The following REV3L variants were observed in gnomAD, a reference collection of about 807,000 sequenced individuals.
The protein encoded by REV3L is REV3 like, DNA directed polymerase zeta catalytic subunit.
Under a neutral mutation model 299.4 loss-of-function variants are expected in REV3L, and 69 were observed. The ratio of observed to expected loss-of-function variants is 0.23; its 90% CI spans 0.19 to 0.28. REV3L has a LOEUF of 0.28. REV3L is among the 10% of genes least tolerant of loss of function. REV3L has a pLI of 1.00. For missense variants in REV3L, 3,128 were observed against 3,693.8 expected, an observed-to-expected ratio of 0.85 and a Z score of 3.97; for synonymous variants, 1,238 against 1,271.4, an observed-to-expected ratio of 0.97 and a Z score of 0.56.
At chr6:111,410,696 T>A (rs1020870580) in intron 3 of REV3L, among the ~76,000 whole-genome samples, 17 of 152,228 alleles carry the variant, frequency 1.1e-4, no homozygotes, top group Non-Finnish European at 2.5e-4. Flanking sequence ...TCAAATGGTT[T>A]AATCCAGGGT....
intron 18 of REV3L, chr6:111,353,919 A>G (rs1374177074): frequency 6.6e-6 from 1 of 152,196 alleles, no homozygotes; most frequent in Non-Finnish European, 1.5e-5. Context: ...ATGAATGGCT[A>G]CATTTGAGAA....
Position 111,307,245 on chromosome 6 carries a change from C to T in REV3L, c.9252+116G>A, listed in dbSNP as rs56392744. On this transcript the variant is annotated intron_variant, in intron 31 of 31. Transcript: ENST00000368802. ...ATTTTTAGGAAGTTTATCATTTAGA[C>T]TCTTCATTTCACTTTTCACACCAGT... 3.6e-4 allele frequency: 286 copies of T among 798,640 alleles called. 1 individual carries two copies. In the African/African-American group the frequency reaches 4.3e-3, roughly 12 times the overall value. 49.5% of individuals were successfully genotyped at this position (798,640 alleles called of 1,614,324 possible). A position where few individuals can be genotyped will look rare whatever the true frequency, so the allele number is the denominator to read the frequency against.
intron 1 of REV3L, among the ~76,000 whole-genome samples, chr6:111,462,519 T>A (rs1024515216): frequency 2.6e-5 from 4 of 152,078 alleles, no homozygotes; most frequent in African/African-American, 9.7e-5. Context: ...CTTCAACACA[T>A]CTCTCAGTAT....
intron 3 of REV3L, among the ~76,000 whole-genome samples, chr6:111,408,509 CAGG>C (rs950997108): frequency 1.3e-5 from 2 of 152,070 alleles, no homozygotes; most frequent in Non-Finnish European, 2.9e-5. Context: ...GAGGCTGAGG[CAGG>C]AGAATTGCTT....
At chr6:111,446,705 C>T (rs1583024564) in intron 1 of REV3L, among the ~76,000 whole-genome samples, 1 of 95,770 alleles carries the variant, frequency 1.0e-5, no homozygotes. Flanking sequence ...TGTCTCAAAA[C>T]AAACAAACAA....
chr6:111,419,414 A>T (rs1785083269), intron 1 of REV3L, among the ~76,000 whole-genome samples: 1 of 151,114 alleles, frequency 6.6e-6, no homozygotes, highest in Non-Finnish European at 1.5e-5. Flanking sequence ...ATTACCATAA[A>T]ATTTGTAGTT....
At chr6:111,455,541 T>C (rs1432528923) in intron 1 of REV3L, among the ~76,000 whole-genome samples, 1 of 152,058 alleles carries the variant, frequency 6.6e-6, no homozygotes, top group East Asian at 1.9e-4. Flanking sequence ...ATCTAAAATA[T>C]ATAAGGGCTG....
At chr6:111,385,104 T>C (rs571741807) in intron 9 of REV3L, among the ~76,000 whole-genome samples, 2 of 151,330 alleles carry the variant, frequency 1.3e-5, no homozygotes, top group East Asian at 3.9e-4. Context: ...TGCCAGAAGC[T>C]AGGAAGGGTA....
intron 9 of REV3L, among the ~76,000 whole-genome samples, chr6:111,385,380 T>C (rs1781245695): frequency 6.6e-6 from 1 of 152,152 alleles, no homozygotes; most frequent in Admixed American, 6.5e-5. Flanking sequence ...ATATGTCTAC[T>C]ATGTACCCAC....
intron 1 of REV3L, 120 bp downstream of exon 1, chr6:111,482,630 C>G (rs1363794858): frequency 8.0e-6 from 4 of 502,164 alleles, no homozygotes; most frequent in Non-Finnish European, 1.1e-5. Context: ...GGAGGGAAGA[C>G]GCGGCAGCGA....
intron 13 of REV3L, among the ~76,000 whole-genome samples, chr6:111,369,406 C>G (rs1430918480): frequency 6.6e-6 from 1 of 151,816 alleles, no homozygotes; most frequent in Non-Finnish European, 1.5e-5. Context: ...TATCAAGAGC[C>G]TTAAATTTTT....
At chr6:111,425,674 T>C (rs916234666) in intron 1 of REV3L, among the ~76,000 whole-genome samples, 5 of 151,592 alleles carry the variant, frequency 3.3e-5, no homozygotes, top group African/African-American at 2.4e-5. Context: ...TATGCACACA[T>C]ATATATAAAA....
At chr6:111,333,970 G>A (rs779285305) in intron 22 of REV3L, among the ~76,000 whole-genome samples, 4 of 151,540 alleles carry the variant, frequency 2.6e-5, no homozygotes, top group Non-Finnish European at 5.9e-5. Flanking sequence ...ATGAAGTCTC[G>A]CTCTGTTGTC....
intron 20 of REV3L, among the ~76,000 whole-genome samples, chr6:111,348,794 C>T (rs1187557827): frequency 6.6e-6 from 1 of 152,194 alleles, no homozygotes; most frequent in African/African-American, 2.4e-5. Flanking sequence ...GGACCACAGG[C>T]ATGCGCCTCC....
chr6:111,317,160 A>G (rs1362957309), intron 26 of REV3L, among the ~76,000 whole-genome samples: 1 of 152,170 alleles, frequency 6.6e-6, no homozygotes, highest in African/African-American at 2.4e-5. Flanking sequence ...AACCAATCTC[A>G]TATTTCTGAA....
intron 20 of REV3L, among the ~76,000 whole-genome samples, chr6:111,347,293 T>A (rs115910935): frequency 0.023 from 3,474 of 148,770 alleles, 72 homozygotes; most frequent in African/African-American, 0.057. Context: ...TAAAAAAAAA[T>A]ATATATATAT....
At chr6:111,301,555 C>T (rs12200641) in intron 31 of REV3L, among the ~76,000 whole-genome samples, 15,243 of 151,668 alleles carry the variant, frequency 0.1, 1,011 homozygotes, top group Middle Eastern at 0.18. Flanking sequence ...TGGTGCAGAC[C>T]AGTGGTTCTT....
At chr6:111,319,452 C>T (rs553018628) in intron 26 of REV3L, among the ~76,000 whole-genome samples, 3 of 149,248 alleles carry the variant, frequency 2.0e-5, no homozygotes, top group South Asian at 2.1e-4. Flanking sequence ...GGCGGCAGAG[C>T]GAGATTCTGT....
chr6:111,307,112 T>C (rs906560582), intron 31 of REV3L, among the ~76,000 whole-genome samples: 2 of 152,152 alleles, frequency 1.3e-5, no homozygotes, highest in Non-Finnish European at 2.9e-5. Flanking sequence ...ATTGGATGGA[T>C]GGCCATTCTT....
Sources: gnomAD v4.1 joint callset for allele counts (sites outside exome capture counted in the v4.1 genomes callset) on GRCh38, gnomAD v4.1.1 for gene constraint, MANE v1.5 for transcripts, NCBI Gene and HGNC (gene_info 2026-07-23, HGNC 2026-07-21) for gene names.